Variants in DLG2 observed in about 807,000 individuals in gnomAD.
The protein encoded by DLG2 is disks large homolog 2.
A neutral mutation model predicts 132.5 loss-of-function variants in DLG2; 45 were observed. That is an observed-to-expected ratio of 0.34 (90% CI 0.27 to 0.44). The LOEUF (loss-of-function observed/expected upper bound fraction) is 0.44, where lower values mean the gene tolerates loss of function less well. DLG2 is among the 20% of genes least tolerant of loss of function. The pLI, the probability that DLG2 is intolerant of heterozygous loss-of-function variation, is 1.00. For missense variants in DLG2, 1,045 were observed against 1,196.9 expected (o/e 0.87, Z 1.87); for synonymous variants, 424 against 419.6 (o/e 1.01, Z -0.13).
intron 7 of DLG2, among the ~76,000 whole-genome samples, chr11:84,486,172 C>T (rs2099150358): frequency 6.6e-6 from 1 of 152,028 alleles, no homozygotes; most frequent in Admixed American, 6.6e-5. Flanking sequence ...CATGCCTTCC[C>T]TATCTCTATA....
At chr11:84,119,665 C>T (rs899223486) in intron 9 of DLG2, among the ~76,000 whole-genome samples, 2 of 151,970 alleles carry the variant, frequency 1.3e-5, no homozygotes, top group Admixed American at 6.6e-5. Context: ...CTTTTTACCT[C>T]GCTCAAACAA....
At chr11:83,752,132 GT>G (rs1462929947) in intron 18 of DLG2, among the ~76,000 whole-genome samples, 5 of 152,180 alleles carry the variant, frequency 3.3e-5, no homozygotes, top group African/African-American at 4.8e-5. Flanking sequence ...GCTGGGCATG[GT>G]GGTGGGCTCC....
intron 3 of DLG2, among the ~76,000 whole-genome samples, chr11:85,353,390 G>T (rs553449710): frequency 1.3e-5 from 2 of 152,088 alleles, no homozygotes; most frequent in Non-Finnish European, 2.9e-5. Flanking sequence ...ACTGTTGGTG[G>T]GAGTGTAAAC....
Position 83,640,232 on chromosome 11 carries a change from G to A in DLG2, c.1826-6907C>T, listed in dbSNP as rs560307026. ...TGAAGAGACCACCTGCTGTACACAC[G>A]CGATGCTTTAAATAGACACATCTGA... On this transcript the variant is annotated intron_variant, in intron 18 of 27. Coordinates refer to ENST00000376104, the MANE Select transcript of DLG2 (RefSeq NM_001142699.3). Among the ~76,000 whole-genome samples, 186 of 152,144 alleles carry A rather than the reference G, an allele frequency of 1.2e-3. 1 individual carries two copies. Among genetic ancestry groups the A allele is most frequent in the Non-Finnish European group, 2.1e-3 (142 of 68,020 alleles).
At chr11:84,934,125 A>G (rs2048407160) in intron 6 of DLG2, among the ~76,000 whole-genome samples, 1 of 152,096 alleles carries the variant, frequency 6.6e-6, no homozygotes, top group Non-Finnish European at 1.5e-5. Context: ...ACCTATTTAG[A>G]TAATCATGTG....
intron 9 of DLG2, among the ~76,000 whole-genome samples, chr11:84,145,834 C>G (rs529343954): frequency 6.6e-6 from 1 of 152,102 alleles, no homozygotes; most frequent in Non-Finnish European, 1.5e-5. Flanking sequence ...CATTTTGTGC[C>G]GATTCATCTA....
At chr11:84,923,430 AAAAG>A in intron 6 of DLG2, 1 of 988,596 alleles carries the variant, frequency 1.0e-6, no homozygotes, top group Non-Finnish European at 1.2e-6. Context: ...TTAAAAAAAA[AAAAG>A]AAGAAGAAGA....
At chr11:83,652,461 C>G (rs1233876803) in intron 18 of DLG2, among the ~76,000 whole-genome samples, 2 of 152,178 alleles carry the variant, frequency 1.3e-5, no homozygotes, top group African/African-American at 2.4e-5. Flanking sequence ...ACCTCCGCCT[C>G]CTGGGTTCAA....
At chr11:85,183,173 G>T (rs750999205) in intron 4 of DLG2, among the ~76,000 whole-genome samples, 1 of 151,704 alleles carries the variant, frequency 6.6e-6, no homozygotes, top group East Asian at 1.9e-4. Context: ...TCTGAAGTAC[G>T]TGATCCAGTA....
At chr11:84,292,848 G>C (rs2098024086) in intron 7 of DLG2, among the ~76,000 whole-genome samples, 1 of 152,014 alleles carries the variant, frequency 6.6e-6, no homozygotes, top group African/African-American at 2.4e-5. Context: ...GGCCACATTG[G>C]AAGAAGAAGA....
intron 18 of DLG2, among the ~76,000 whole-genome samples, chr11:83,741,086 T>C (rs2092470740): frequency 6.6e-6 from 1 of 152,206 alleles, no homozygotes; most frequent in African/African-American, 2.4e-5. Context: ...AAAAAGCTTT[T>C]GATAAAATCC....
chr11:84,289,904 C>T (rs1312670865), intron 7 of DLG2, among the ~76,000 whole-genome samples: 1 of 152,098 alleles, frequency 6.6e-6, no homozygotes, highest in Non-Finnish European at 1.5e-5. Context: ...TCTGGATGGT[C>T]AGGCCCCTCA....
chr11:84,212,350 C>A (rs1168176913), intron 8 of DLG2, among the ~76,000 whole-genome samples: 1 of 152,132 alleles, frequency 6.6e-6, no homozygotes, highest in Non-Finnish European at 1.5e-5. Flanking sequence ...GGGCTTGAAT[C>A]TTATATAATT....
intron 6 of DLG2, among the ~76,000 whole-genome samples, chr11:85,107,125 T>C (rs2071883039): frequency 6.6e-6 from 1 of 152,020 alleles, no homozygotes; most frequent in Non-Finnish European, 1.5e-5. Context: ...TTTTCACTTA[T>C]CTGCTTATAG....
chr11:85,041,939 CAGATG>C (rs1430413356), intron 6 of DLG2, among the ~76,000 whole-genome samples: 1 of 151,730 alleles, frequency 6.6e-6, no homozygotes, highest in Non-Finnish European at 1.5e-5. Context: ...AGAAGTGAGG[CAGATG>C]GGAGGGGAGA....
At chr11:85,528,363 T>C (rs991520095) in intron 3 of DLG2, among the ~76,000 whole-genome samples, 9 of 152,202 alleles carry the variant, frequency 5.9e-5, no homozygotes, top group Admixed American at 6.6e-5. Flanking sequence ...AATTTTTGTA[T>C]AAGGTGTAAG....
At chr11:83,494,345 T>C (rs1407171061) in intron 21 of DLG2, among the ~76,000 whole-genome samples, 1 of 150,254 alleles carries the variant, frequency 6.7e-6, no homozygotes, top group African/African-American at 2.5e-5. Context: ...AGATTATTTC[T>C]TGTAAACCCG....
chr11:85,357,801 C>A (rs2083858201), intron 3 of DLG2, among the ~76,000 whole-genome samples: 1 of 139,786 alleles, frequency 7.2e-6, no homozygotes. Flanking sequence ...CACATTTTAT[C>A]CTCATGACAA....
chr11:84,568,071 C>G (rs1423967646), intron 6 of DLG2, among the ~76,000 whole-genome samples: 1 of 152,114 alleles, frequency 6.6e-6, no homozygotes, highest in East Asian at 1.9e-4. Context: ...TTTGGTTTTA[C>G]CTCACAGGAA....
Sources: gnomAD v4.1 joint callset for allele counts (sites outside exome capture counted in the v4.1 genomes callset) on GRCh38, gnomAD v4.1.1 for gene constraint, MANE v1.5 for transcripts, NCBI Gene and HGNC (gene_info 2026-07-23, HGNC 2026-07-21) for gene names.